KRABD5: variants seen among roughly 807,000 people sequenced by gnomAD.
KRABD5 encodes KRAB domain containing 5, also known as KRAB domain-containing protein 5.
At chr16:31,735,981 G>A in the KRABD5 span, among the ~76,000 whole-genome samples, 6 of 152,196 alleles carry the variant, frequency 3.9e-5, no homozygotes, top group East Asian at 1.9e-4. Flanking sequence ...TTCCAAGTCC[G>A]ATGTTGTAAA....
At chr16:31,754,280 C>G in the KRABD5 span, 2 of 626,932 alleles carry the variant, frequency 3.2e-6, no homozygotes, top group Non-Finnish European at 2.8e-6. Flanking sequence ...GTTTCACCAA[C>G]AAATAACACC....
At chr16:31,733,634 GT>G in the KRABD5 span, 1 of 455,960 alleles carries the variant, frequency 2.2e-6, no homozygotes, top group East Asian at 7.0e-5. Context: ...TTATGTAAGT[GT>G]AATTAAACAG....
At chr16:31,715,428 G>T in the KRABD5 span, among the ~76,000 whole-genome samples, 1 of 152,008 alleles carries the variant, frequency 6.6e-6, no homozygotes, top group African/African-American at 2.4e-5. Flanking sequence ...GCTTCCCAGG[G>T]TTAACTACCT....
the KRABD5 span, among the ~76,000 whole-genome samples, chr16:31,718,542 AAGC>A: frequency 7.2e-5 from 11 of 152,248 alleles, no homozygotes; most frequent in Admixed American, 6.5e-4. Flanking sequence ...TGTAAGTGTA[AAGC>A]AGCACCTTAG....
chr16:31,715,240 C>T, the KRABD5 span, among the ~76,000 whole-genome samples: 3 of 151,944 alleles, frequency 2.0e-5, no homozygotes, highest in African/African-American at 7.2e-5. Flanking sequence ...TTTTGACCAT[C>T]GAAGATAAAA....
chr16:31,758,994 A>G, the KRABD5 span: 1 of 171,454 alleles, frequency 5.8e-6, no homozygotes, highest in Non-Finnish European at 1.3e-5. Flanking sequence ...CATGTTTTAT[A>G]TTTAAGACAG....
chr16:31,729,958 AC>A, the KRABD5 span, among the ~76,000 whole-genome samples: 1 of 151,848 alleles, frequency 6.6e-6, no homozygotes, highest in Admixed American at 6.6e-5. Context: ...ACATTTTAAA[AC>A]TTTTTATATT....
chr16:31,714,524 G>T, the KRABD5 span: 2 of 408,622 alleles, frequency 4.9e-6, no homozygotes, highest in Non-Finnish European at 9.7e-6. Flanking sequence ...GATGCTTGTG[G>T]AGAGCTGATG....
At chr16:31,749,938 G>A in the KRABD5 span, among the ~76,000 whole-genome samples, 1 of 152,192 alleles carries the variant, frequency 6.6e-6, no homozygotes, top group African/African-American at 2.4e-5. Flanking sequence ...TTTGGTGACT[G>A]TAGGCTTATA....
the KRABD5 span, chr16:31,722,899 G>A: frequency 1.0e-5 from 10 of 966,952 alleles, no homozygotes; most frequent in East Asian, 2.7e-4. Context: ...TGGGTTTGTT[G>A]TAGAAAAGAC....
At chr16:31,715,727 T>G in the KRABD5 span, among the ~76,000 whole-genome samples, 1 of 152,090 alleles carries the variant, frequency 6.6e-6, no homozygotes, top group African/African-American at 2.4e-5. Context: ...CTGGGTGCTG[T>G]CAGAATTGAG....
the KRABD5 span, among the ~76,000 whole-genome samples, chr16:31,717,971 C>T: frequency 6.6e-6 from 1 of 152,104 alleles, no homozygotes; most frequent in Non-Finnish European, 1.5e-5. Context: ...TTAGCCATTC[C>T]AGCTCTGTCT....
At chr16:31,720,574 T>C in the KRABD5 span, among the ~76,000 whole-genome samples, 29 of 152,374 alleles carry the variant, frequency 1.9e-4, no homozygotes, top group African/African-American at 5.5e-4. Flanking sequence ...CCACATATTC[T>C]GTTTATTATT....
chr16:31,741,907 G>T, the KRABD5 span, among the ~76,000 whole-genome samples: 1 of 152,048 alleles, frequency 6.6e-6, no homozygotes. Flanking sequence ...TTTTCTTCTA[G>T]TATTTTTATT....
the KRABD5 span, among the ~76,000 whole-genome samples, chr16:31,747,822 C>T: frequency 6.6e-6 from 1 of 152,164 alleles, no homozygotes; most frequent in Non-Finnish European, 1.5e-5. Flanking sequence ...CCTTTGCCCA[C>T]TTTTTGATGG....
the KRABD5 span, chr16:31,755,054 A>G: frequency 2.1e-6 from 1 of 477,994 alleles, no homozygotes; most frequent in Middle Eastern, 3.2e-4. Flanking sequence ...TTACAAATGT[A>G]AAGAATGTGG....
chr16:31,743,987 T>C, the KRABD5 span, among the ~76,000 whole-genome samples: 1 of 152,228 alleles, frequency 6.6e-6, no homozygotes, highest in African/African-American at 2.4e-5. Context: ...CCTGAGACTT[T>C]TCTGAAGTTG....
the KRABD5 span, among the ~76,000 whole-genome samples, chr16:31,743,918 C>T: frequency 6.6e-6 from 1 of 152,092 alleles, no homozygotes; most frequent in African/African-American, 2.4e-5. Flanking sequence ...ATTTAACTCT[C>T]TGCTTGTCTA....
chr16:31,714,609 T>C, the KRABD5 span, among the ~76,000 whole-genome samples: 1 of 152,208 alleles, frequency 6.6e-6, no homozygotes, highest in Non-Finnish European at 1.5e-5. Context: ...GTGTGTGGAA[T>C]AACCCTGACT....
Sources: allele counts gnomAD v4.1 joint callset (sites outside exome capture counted in the v4.1 genomes callset), GRCh38; gene constraint gnomAD v4.1.1; transcripts MANE v1.5; gene names NCBI Gene and HGNC (gene_info 2026-07-23, HGNC 2026-07-21).